ZNF248: variants seen among roughly 807,000 people sequenced by gnomAD.
ZNF248 encodes zinc finger protein 248, also known as KRAB protein domain.
Under a neutral mutation model 44.3 loss-of-function variants are expected in ZNF248, and 20 were observed. That is an observed-to-expected ratio of 0.45 (90% CI 0.32 to 0.66). The LOEUF (loss-of-function observed/expected upper bound fraction) is 0.66, where lower values mean the gene tolerates loss of function less well. Among genes scored for constraint, ZNF248 ranks in the 30% least tolerant of loss-of-function variants. The pLI, the probability that ZNF248 is intolerant of heterozygous loss-of-function variation, is 0.04. For synonymous variants in ZNF248, 224 were observed against 229.0 expected, an observed-to-expected ratio of 0.98 and a Z score of 0.20; for missense variants, 654 against 677.0, an observed-to-expected ratio of 0.97 and a Z score of 0.38.
At chr10:37,820,043 A>G in intron 6 of ZNF248, 2 of 809,774 alleles carry the variant, frequency 2.5e-6, no homozygotes, top group Non-Finnish European at 4.4e-6. Flanking sequence ...TTTCTTGCTC[A>G]TTGTCACACA....
intron 6 of ZNF248, among the ~76,000 whole-genome samples, chr10:37,789,302 AC>A (rs1170451998): frequency 6.6e-6 from 1 of 151,828 alleles, no homozygotes; most frequent in African/African-American, 2.4e-5. Flanking sequence ...AAAAAAAAAA[AC>A]TGCTAAAAAG....
chr10:37,858,025 C>A (rs1051656644), upstream of ZNF248: 18 of 152,422 alleles, frequency 1.2e-4, no homozygotes, highest in African/African-American at 3.6e-4. Flanking sequence ...TCGCCGCCTC[C>A]GGAGGCGAGG....
At position 37,778,915 on chromosome 10, in the gene ZNF248, A is replaced by C. The variant is rs534042602; in HGVS notation, c.331-2340T>G. 2.9e-4 allele frequency among the ~76,000 whole-genome samples: 44 copies of C among 152,334 alleles called. 1 individual carries two copies. Among genetic ancestry groups the C allele is most frequent in the African/African-American group, 1.0e-3 (42 of 41,592 alleles). On this transcript the variant is annotated intron_variant, in intron 6 of 6. Coordinates refer to the ZNF248 transcript ENST00000615949. ...ACGCAAATAAACTAGAAAATCTAGA[A>C]GAAATGGATACATTCCTCAACACAT...
intron 3 of ZNF248, among the ~76,000 whole-genome samples, chr10:37,844,876 CTT>C (rs984365667): frequency 1.3e-5 from 2 of 152,080 alleles, no homozygotes; most frequent in Non-Finnish European, 1.5e-5. Flanking sequence ...TTAGAAACGA[CTT>C]TAACTATTTC....
At chr10:37,800,323 G>A (rs1179484357) in intron 6 of ZNF248, among the ~76,000 whole-genome samples, 1 of 152,084 alleles carries the variant, frequency 6.6e-6, no homozygotes, top group African/African-American at 2.4e-5. Context: ...TTGTGTTCAT[G>A]TGTACTCAAT....
chr10:37,772,043 G>T (rs1442847957), downstream of ZNF248, among the ~76,000 whole-genome samples: 1 of 152,150 alleles, frequency 6.6e-6, no homozygotes, highest in Admixed American at 6.5e-5. Context: ...AAGGCAGGCG[G>T]ATCACGATGT....
At chr10:37,766,884 T>C in the ZNF248 span, among the ~76,000 whole-genome samples, 1 of 151,934 alleles carries the variant, frequency 6.6e-6, no homozygotes, top group Non-Finnish European at 1.5e-5. Context: ...GAAAAAAAAT[T>C]AGACGAATGG....
rs755624611 is a variant in ZNF248 at position 37,832,662 on chromosome 10, T to C, written c.693A>G (p.Thr231=). The C allele has an allele frequency of 1.9e-6, 3 of 1,613,200 alleles. No individual in the cohort carries two copies. In the African/African-American group the frequency reaches 4.0e-5, roughly 22 times the overall value. The change falls in exon 6 of 6, where the codon ACA becomes ACG. Residue 231 remains threonine, a synonymous_variant. Transcript: ENST00000395867. Reference sequence around the variant, plus strand: ...TCTCTCCTATCTGAGATCTCTTATTTGTAAAAAATGCTGCCTCATCATGGA... The same window carrying C: ...TCTCTCCTATCTGAGATCTCTTATTCGTAAAAAATGCTGCCTCATCATGGA... ...QGFHDEAAFF[T]NKRSQIGETV...
chr10:37,834,355 A>T (rs2056635084), intron 5 of ZNF248, among the ~76,000 whole-genome samples: 1 of 152,180 alleles, frequency 6.6e-6, no homozygotes, highest in African/African-American at 2.4e-5. Flanking sequence ...ACTGTACATT[A>T]TTCTTATAAA....
the ZNF248 span, among the ~76,000 whole-genome samples, chr10:37,769,389 C>A: frequency 0.06 from 9,120 of 152,162 alleles, 354 homozygotes; most frequent in Middle Eastern, 0.095. Flanking sequence ...TACTGGCAAA[C>A]CGAATCCAGC....
chr10:37,791,042 CTTTTTTTTTTTTTTTTTTT>C (rs869199263), intron 6 of ZNF248, among the ~76,000 whole-genome samples: 1 of 50,920 alleles, frequency 2.0e-5, no homozygotes, highest in Non-Finnish European at 3.7e-5. Flanking sequence ...TTTGTTATTT[CTTTTTTTTTTTTTTTTTTT>C]TTTTTTTTTT....
intron 6 of ZNF248, among the ~76,000 whole-genome samples, chr10:37,796,757 C>T (rs1471598964): frequency 6.7e-6 from 1 of 150,362 alleles, no homozygotes. Flanking sequence ...GATTTTACAT[C>T]TTGGTTCACA....
chr10:37,785,115 T>C (rs2047733489), intron 6 of ZNF248, among the ~76,000 whole-genome samples: 1 of 152,166 alleles, frequency 6.6e-6, no homozygotes, highest in African/African-American at 2.4e-5. Context: ...AAGGGTTTCA[T>C]AGCAGGTTCC....
Position 37,837,610 on chromosome 10 carries a change from A to T in ZNF248, c.238+7T>A. On this transcript the variant is annotated splice_region_variant and intron_variant, in intron 5 of 5. Transcript: ENST00000395867. ...TGGCTTTCATCTGCCAGAAATCACT[A>T]ACTCACCTGGGTGGCACTGGCTTGG... The T allele has an allele frequency of 1.9e-6, 3 of 1,611,828 alleles. No homozygotes were observed. Among genetic ancestry groups the T allele is most frequent in the Non-Finnish European group, 2.5e-6 (3 of 1,178,798 alleles).
intron 6 of ZNF248, among the ~76,000 whole-genome samples, chr10:37,796,383 T>C (rs959604037): frequency 6.6e-6 from 1 of 151,954 alleles, no homozygotes; most frequent in Non-Finnish European, 1.5e-5. Flanking sequence ...AGCTGGCTTT[T>C]TTTTTTTGTA....
the ZNF248 span, among the ~76,000 whole-genome samples, chr10:37,766,943 C>G: frequency 2.0e-5 from 3 of 152,162 alleles, no homozygotes; most frequent in Admixed American, 2.0e-4. Flanking sequence ...GCTGATGGAG[C>G]TGAAAGCCAA....
chr10:37,848,729 G>C (rs1398617238), intron 3 of ZNF248, among the ~76,000 whole-genome samples: 1 of 152,150 alleles, frequency 6.6e-6, no homozygotes. Context: ...CCAGCTTGGA[G>C]ATGTTCTAGG....
chr10:37,816,005 A>AAAAGAG (rs761575236), intron 6 of ZNF248, among the ~76,000 whole-genome samples: 3 of 149,246 alleles, frequency 2.0e-5, no homozygotes, highest in Admixed American at 1.3e-4. Context: ...AAAAAAAAAA[A>AAAAGAG]AGAGAGAGAG....
At chr10:37,767,445 C>A in the ZNF248 span, among the ~76,000 whole-genome samples, 1 of 152,182 alleles carries the variant, frequency 6.6e-6, no homozygotes, top group Admixed American at 6.5e-5. Context: ...ACCCTACAAG[C>A]CAGAAGGGAG....
Sources: gnomAD v4.1 joint callset for allele counts (sites outside exome capture counted in the v4.1 genomes callset) on GRCh38, gnomAD v4.1.1 for gene constraint, MANE v1.5 for transcripts, NCBI Gene and HGNC (gene_info 2026-07-23, HGNC 2026-07-21) for gene names.